The following EFCAB8 variants were observed in gnomAD, a reference collection of about 807,000 sequenced individuals.
EFCAB8 encodes the protein EF-hand calcium binding domain 8.
EFCAB8 carries 100 observed loss-of-function variants against 116.3 expected under a neutral mutation model. The observed-to-expected ratio is 0.86, with a 90% CI of 0.73 to 1.02. The LOEUF (loss-of-function observed/expected upper bound fraction) is 1.02. EFCAB8 is among the 50% of genes least tolerant of loss of function. The pLI is 0.00. For synonymous variants in EFCAB8, 558 were observed against 567.9 expected (o/e 0.98, Z 0.25); for missense variants, 1,320 against 1,416.9 (o/e 0.93, Z 1.10).
intron 19 of EFCAB8, 27 bp from the exon 20 acceptor site, chr20:32,920,051 G>T (rs1180100317): frequency 6.4e-7 from 1 of 1,551,678 alleles, no homozygotes; most frequent in South Asian, 1.2e-5. Context: ...CCCTCATGGT[G>T]ACTTGGGTGC....
chr20:32,872,516 G>A (rs1292945962), intron 3 of EFCAB8, among the ~76,000 whole-genome samples: 2 of 152,108 alleles, frequency 1.3e-5, no homozygotes, highest in African/African-American at 4.8e-5. Context: ...AGCTGGGCAC[G>A]GTGGCTCATG....
intron 23 of EFCAB8, among the ~76,000 whole-genome samples, chr20:32,952,492 T>C (rs2146301106): frequency 6.6e-6 from 1 of 152,338 alleles, no homozygotes; most frequent in African/African-American, 2.4e-5. Flanking sequence ...CCAGCACTAT[T>C]TTTATCCTTT....
intron 24 of EFCAB8, 98 bp from the exon 25 acceptor site, chr20:32,959,680 G>A (rs1027364586): frequency 2.1e-5 from 18 of 863,560 alleles, no homozygotes; most frequent in Admixed American, 1.5e-4. Flanking sequence ...AGATTGGAAA[G>A]GATCAGGCCA....
intron 20 of EFCAB8, among the ~76,000 whole-genome samples, chr20:32,924,002 A>C (rs755746462): frequency 6.6e-6 from 1 of 152,202 alleles, no homozygotes; most frequent in South Asian, 2.1e-4. Context: ...GGTAGCTAGT[A>C]ATTATTGAGC....
At chr20:32,912,146 T>G (rs1482882025) in intron 16 of EFCAB8, among the ~76,000 whole-genome samples, 2 of 152,048 alleles carry the variant, frequency 1.3e-5, no homozygotes, top group South Asian at 2.1e-4. Context: ...ACTCAGAAAG[T>G]GTACTTAGCT....
intron 26 of EFCAB8, 97 bp downstream of exon 26, chr20:32,960,258 G>T (rs1221345553): frequency 2.6e-6 from 3 of 1,137,796 alleles, no homozygotes; most frequent in Non-Finnish European, 3.8e-6. Flanking sequence ...CAGCCCTTCA[G>T]TGAGGGTGGA....
At chr20:32,878,271 GA>G (rs936491853) in intron 4 of EFCAB8, among the ~76,000 whole-genome samples, 90 of 143,630 alleles carry the variant, frequency 6.3e-4, no homozygotes, top group Middle Eastern at 3.5e-3. Context: ...GTCCCAAAAG[GA>G]AAAAAAAAAG....
In EFCAB8 at chr20:32,930,410, C is replaced by A; in HGVS notation, c.2425C>A (p.Gln809Lys). Residue 809 changes from glutamine (Q) to lysine (K), a missense_variant, in exon 21 of 27, where the codon CAG (glutamine) becomes AAG (lysine). Gln to Lys is a moderately conservative substitution (Grantham distance 53). Transcript: ENST00000400522. ...CTCTCTTCCTCAGATAATCTTCCTGCAGACCAGGCCTCGCCTGCCGCACAC... is the reference window on the plus strand; with the variant it reads ...CTCTCTTCCTCAGATAATCTTCCTGAAGACCAGGCCTCGCCTGCCGCACAC... ...SASVEKIIFL[Q>K]TRPRLPHTAA... 2 of 1,550,770 alleles carry A rather than the reference C, an allele frequency of 1.3e-6. No homozygotes were observed. The highest frequency in any genetic ancestry group is 1.7e-6 in the Non-Finnish European group (2 of 1,146,908).
At chr20:32,954,536 T>C (rs1988902700) in intron 23 of EFCAB8, among the ~76,000 whole-genome samples, 1 of 152,218 alleles carries the variant, frequency 6.6e-6, no homozygotes, top group South Asian at 2.1e-4. Context: ...TGTAGCTTTG[T>C]AATATGTTTT....
intron 20 of EFCAB8, among the ~76,000 whole-genome samples, chr20:32,928,149 C>G (rs1250052470): frequency 6.6e-6 from 1 of 151,970 alleles, no homozygotes; most frequent in Non-Finnish European, 1.5e-5. Context: ...GTATTTTACT[C>G]TTTTTTTGAC....
intron 20 of EFCAB8, among the ~76,000 whole-genome samples, chr20:32,927,791 G>T (rs527333038): frequency 3.3e-5 from 5 of 152,146 alleles, no homozygotes; most frequent in African/African-American, 1.2e-4. Flanking sequence ...CTTTGTCTTT[G>T]GTTCAGGGAT....
intron 22 of EFCAB8, among the ~76,000 whole-genome samples, chr20:32,932,350 C>G (rs1366571752): frequency 6.6e-6 from 1 of 150,530 alleles, no homozygotes; most frequent in Non-Finnish European, 1.5e-5. Flanking sequence ...GCCCTCCAGC[C>G]TGGGCGACAG....
At chr20:32,885,195 C>T (rs1262244376) in intron 5 of EFCAB8, among the ~76,000 whole-genome samples, 1 of 152,238 alleles carries the variant, frequency 6.6e-6, no homozygotes, top group East Asian at 1.9e-4. Context: ...TCTGTCTCCT[C>T]TGTCCCATCA....
intron 22 of EFCAB8, among the ~76,000 whole-genome samples, chr20:32,935,747 C>T (rs1235853627): frequency 6.6e-6 from 1 of 152,198 alleles, no homozygotes; most frequent in Non-Finnish European, 1.5e-5. Context: ...CTCAGGTGAT[C>T]TGCCCACCTT....
At chr20:32,870,857 TTC>T (rs1011999518) in intron 3 of EFCAB8, among the ~76,000 whole-genome samples, 9 of 119,934 alleles carry the variant, frequency 7.5e-5, no homozygotes, top group Non-Finnish European at 1.7e-4. Flanking sequence ...CTACTTCTTC[TTC>T]TTTTTTTTTT....
intron 3 of EFCAB8, among the ~76,000 whole-genome samples, chr20:32,875,514 T>TTTTTTTTTTTTTTTTTTTTTTTG (rs1984923359): frequency 7.1e-6 from 1 of 141,240 alleles, no homozygotes; most frequent in Non-Finnish European, 1.6e-5. Context: ...TTTTTTTTTT[T>TTTTTTTTTTTTTTTTTTTTTTTG]TTTTTTGAGA....
intron 18 of EFCAB8, 22 bp from the exon 19 acceptor site, chr20:32,918,340 G>A: frequency 1.3e-6 from 2 of 1,551,242 alleles, no homozygotes; most frequent in South Asian, 1.2e-5. Context: ...GTGCCTTAGG[G>A]GCTGCTTTCT....
chr20:32,863,845 C>A lies in EFCAB8; in HGVS notation c.42+11C>A. ...CCTCAACTCCAAAAGGTAAGAAAGA[C>A]AATTATCTGAACTAATAAAGGGTGG... On this transcript the variant is annotated intron_variant, in intron 2 of 26. Coordinates refer to ENST00000400522, the MANE Select transcript of EFCAB8 (RefSeq NM_001143967.2). 1 of 1,551,124 alleles carries A rather than the reference C, an allele frequency of 6.4e-7. No homozygotes were observed. Among genetic ancestry groups the A allele is most frequent in the Non-Finnish European group, 8.7e-7 (1 of 1,146,724 alleles).
At chr20:32,860,016 T>C (rs1393483598) in intron 1 of EFCAB8, among the ~76,000 whole-genome samples, 3 of 152,206 alleles carry the variant, frequency 2.0e-5, no homozygotes, top group Non-Finnish European at 4.4e-5. Context: ...ACATGGCATT[T>C]TATTTTGGCC....
Sources: gnomAD v4.1 joint callset for allele counts (sites outside exome capture counted in the v4.1 genomes callset) on GRCh38, gnomAD v4.1.1 for gene constraint, MANE v1.5 for transcripts, NCBI Gene and HGNC (gene_info 2026-07-23, HGNC 2026-07-21) for gene names.